The following COL21A1 variants were observed in gnomAD, a reference collection of about 807,000 sequenced individuals.
The protein encoded by COL21A1 is collagen type XXI alpha 1 chain, also known as collagen alpha-1(XXI) chain.
In COL21A1, 149 loss-of-function variants were observed where a neutral mutation model predicts 137.9. That is an observed-to-expected ratio of 1.08 (90% CI 0.95 to 1.24). The LOEUF (loss-of-function observed/expected upper bound fraction) is 1.24. COL21A1 is among the 50% of genes most tolerant of loss of function. The probability of loss-of-function intolerance (pLI) is 0.00; values close to 1 mark genes in which losing one functional copy is unlikely to be tolerated. For missense variants in COL21A1, 1,167 were observed against 1,158.4 expected, an observed-to-expected ratio of 1.01 and a Z score of -0.11; for synonymous variants, 456 against 391.5, an observed-to-expected ratio of 1.16 and a Z score of -1.95.
At chr6:56,097,450 G>A (rs1430400472) in intron 17 of COL21A1, among the ~76,000 whole-genome samples, 1 of 151,962 alleles carries the variant, frequency 6.6e-6, no homozygotes, top group African/African-American at 2.4e-5. Flanking sequence ...TAGGCTGTAA[G>A]CCTCCATGAG....
intron 3 of COL21A1, among the ~76,000 whole-genome samples, chr6:56,173,519 T>C (rs769295944): frequency 2.0e-5 from 3 of 151,604 alleles, no homozygotes; most frequent in Non-Finnish European, 4.4e-5. Flanking sequence ...AGTGAAAAAA[T>C]GAAAAAAGAT....
At position 56,231,725 on chromosome 6, in the gene COL21A1, T is replaced by C. The variant is rs1023793575; in HGVS notation, c.-39+15662A>G. On this transcript the variant is annotated intron_variant, in intron 1 of 29. Transcript: ENST00000244728. ...ACTGGATCCACTAGATCTAATATGT[T>C]ATGACTTTTCTATAATTAACATTTT... Among the ~76,000 whole-genome samples the C allele has an allele frequency of 7.4e-4, 113 of 151,880 alleles. 1 individual carries two copies. The highest frequency in any genetic ancestry group is 5.9e-5 in the Non-Finnish European group (4 of 67,886).
At chr6:56,062,485 G>C (rs1001104723) in intron 24 of COL21A1, among the ~76,000 whole-genome samples, 6 of 151,872 alleles carry the variant, frequency 4.0e-5, no homozygotes, top group African/African-American at 1.2e-4. Flanking sequence ...ATTCACTCAG[G>C]AAAAAAGATA....
chr6:56,138,885 G>A (rs1555095), intron 12 of COL21A1, among the ~76,000 whole-genome samples: 22,808 of 151,882 alleles, frequency 0.15, 1,747 homozygotes, highest in Middle Eastern at 0.22. Flanking sequence ...CATCCTTTAG[G>A]CTATTGGGAA....
Position 56,360,540 on chromosome 6 carries a change from G to A in COL21A1, c.-39+33431C>T, listed in dbSNP as rs1765941589. ...GGGATGGAATAATGCAATAGCAACAGGTAAAAACGTTTTTGCAAAAAGTTG... is the reference window on the plus strand; with the variant it reads ...GGGATGGAATAATGCAATAGCAACAAGTAAAAACGTTTTTGCAAAAAGTTG... On this transcript the variant is annotated intron_variant, in intron 1 of 28. Coordinates refer to the COL21A1 transcript ENST00000370819. Among the ~76,000 whole-genome samples, 7 of 152,116 alleles carry A rather than the reference G, an allele frequency of 4.6e-5. No homozygotes were observed. The South Asian group carries it at 1.5e-3, about 32-fold the overall frequency.
chr6:56,115,211 G>C (rs1282183178), intron 16 of COL21A1, among the ~76,000 whole-genome samples: 1 of 151,506 alleles, frequency 6.6e-6, no homozygotes, highest in Non-Finnish European at 1.5e-5. Context: ...GAGTTAGTGG[G>C]TGCAGCGCAC....
intron 1 of COL21A1, among the ~76,000 whole-genome samples, chr6:56,286,390 C>G (rs1763914763): frequency 2.0e-5 from 3 of 152,166 alleles, no homozygotes; most frequent in Non-Finnish European, 4.4e-5. Flanking sequence ...TACACAAATA[C>G]ACTCATATAC....
At chr6:56,392,614 A>G (rs1213589858) in intron 1 of COL21A1, among the ~76,000 whole-genome samples, 1 of 152,168 alleles carries the variant, frequency 6.6e-6, no homozygotes, top group Non-Finnish European at 1.5e-5. Flanking sequence ...ACACCAAAAC[A>G]CTACTAGAAC....
intron 1 of COL21A1, among the ~76,000 whole-genome samples, chr6:56,370,015 C>T (rs757996410): frequency 7.9e-5 from 12 of 152,026 alleles, no homozygotes; most frequent in Non-Finnish European, 1.3e-4. Context: ...TATATGCTTA[C>T]GTGTAAACAT....
intron 1 of COL21A1, among the ~76,000 whole-genome samples, chr6:56,368,301 A>C (rs1296511063): frequency 2.0e-5 from 3 of 152,230 alleles, no homozygotes; most frequent in Non-Finnish European, 2.9e-5. Context: ...TATAATTTTT[A>C]TATACTAGAC....
intron 17 of COL21A1, among the ~76,000 whole-genome samples, chr6:56,089,521 A>G (rs12207715): frequency 6.6e-6 from 1 of 152,072 alleles, no homozygotes; most frequent in African/African-American, 2.4e-5. Context: ...TTCCAAAAAA[A>G]TTTTTCACTA....
At chr6:56,077,312 G>T (rs1189757714) in intron 18 of COL21A1, among the ~76,000 whole-genome samples, 18 of 151,216 alleles carry the variant, frequency 1.2e-4, no homozygotes, top group Non-Finnish European at 1.6e-4. Context: ...CAAAGTAAAG[G>T]AGGAAGCATA....
chr6:56,067,407 G>A, intron 22 of COL21A1, 77 bp from the exon 23 acceptor site: 1 of 1,357,226 alleles, frequency 7.4e-7, no homozygotes, highest in Non-Finnish European at 1.0e-6. Context: ...ATTTTTCTCT[G>A]CTGAAGAAAA....
At chr6:56,219,626 C>G (rs933993934) in intron 1 of COL21A1, among the ~76,000 whole-genome samples, 1 of 152,086 alleles carries the variant, frequency 6.6e-6, no homozygotes, top group African/African-American at 2.4e-5. Flanking sequence ...AAAAAAATTG[C>G]AATAAAGCAT....
chr6:56,271,627 G>C (rs1763527374), intron 1 of COL21A1, among the ~76,000 whole-genome samples: 1 of 152,186 alleles, frequency 6.6e-6, no homozygotes, highest in Non-Finnish European at 1.5e-5. Flanking sequence ...CAAGAGAATG[G>C]GCAAAATGTC....
At chr6:56,161,423 G>A (rs1776189240) in intron 9 of COL21A1, among the ~76,000 whole-genome samples, 1 of 152,120 alleles carries the variant, frequency 6.6e-6, no homozygotes, top group Non-Finnish European at 1.5e-5. Flanking sequence ...GCAAGCTGGG[G>A]TGGACCTGGA....
At chr6:56,184,244 C>T (rs1486109892) in intron 1 of COL21A1, among the ~76,000 whole-genome samples, 1 of 152,034 alleles carries the variant, frequency 6.6e-6, no homozygotes, top group Non-Finnish European at 1.5e-5. Flanking sequence ...ATTCAATCAA[C>T]TGAAAATCAA....
intron 1 of COL21A1, among the ~76,000 whole-genome samples, chr6:56,212,278 G>A (rs894004048): frequency 6.6e-6 from 1 of 151,870 alleles, no homozygotes; most frequent in African/African-American, 2.4e-5. Flanking sequence ...CTGGTTCTGT[G>A]ATTGCTATTC....
In COL21A1 at chr6:56,179,172, G is replaced by A. The variant is rs144630315; in HGVS notation, c.640+406C>T. Among the ~76,000 whole-genome samples the A allele has an allele frequency of 2.2e-3, 334 of 151,614 alleles. 3 individuals carry two copies. The highest frequency in any genetic ancestry group is 7.5e-3 in the African/African-American group (312 of 41,384). The stretch of plus-strand genomic sequence containing the variant: ...AGAAGGATAAACTAAAACACACTGG[G>A]GAAAAAAGGAAAAAAACTAGAATGT... On this transcript the variant is annotated intron_variant, in intron 3 of 29. Transcript: ENST00000244728.
Sources: allele counts gnomAD v4.1 joint callset (sites outside exome capture counted in the v4.1 genomes callset), GRCh38; gene constraint gnomAD v4.1.1; transcripts MANE v1.5; gene names NCBI Gene and HGNC (gene_info 2026-07-23, HGNC 2026-07-21).